The following PCDH15 variants were observed in gnomAD, a reference collection of about 807,000 sequenced individuals.
The protein encoded by PCDH15 is protocadherin related 15, also known as protocadherin-15.
PCDH15 carries 129 observed loss-of-function variants against 178.5 expected under a neutral mutation model. The ratio of observed to expected loss-of-function variants is 0.72; its 90% CI spans 0.63 to 0.84. The LOEUF (loss-of-function observed/expected upper bound fraction) is 0.84, where lower values mean the gene tolerates loss of function less well. Ranked by LOEUF, PCDH15 falls within the 40% of genes least tolerant of loss-of-function variation. PCDH15 has a pLI of 0.00. For synonymous variants in PCDH15, 800 were observed against 732.0 expected, an observed-to-expected ratio of 1.09 and a Z score of -1.50; for missense variants, 2,230 against 2,099.9, an observed-to-expected ratio of 1.06 and a Z score of -1.21.
Position 55,070,932 on chromosome 10 carries a change from T to A in PCDH15, c.-80+95644A>T, listed in dbSNP as rs188517233. 1.4e-3 allele frequency among the ~76,000 whole-genome samples: 207 copies of A among 152,276 alleles called. 2 individuals are homozygous for A. The Middle Eastern group carries it at 0.037, about 28-fold the overall frequency. ...GAGCATGGAATGTTCTTCCATTTCT[T>A]TGTATCCTCTTTTATTTCATTGAGC... On this transcript the variant is annotated intron_variant, in intron 2 of 5. Transcript: ENST00000458638.
At chr10:54,626,462 TG>T (rs2093553732) in intron 2 of PCDH15, among the ~76,000 whole-genome samples, 1 of 152,106 alleles carries the variant, frequency 6.6e-6, no homozygotes, top group Non-Finnish European at 1.5e-5. Context: ...ACTCCAGCCA[TG>T]GGTGAAAGGG....
intron 5 of PCDH15, among the ~76,000 whole-genome samples, chr10:54,360,031 TTA>T (rs1335387999): frequency 6.6e-6 from 1 of 152,134 alleles, no homozygotes; most frequent in Non-Finnish European, 1.5e-5. Context: ...GAACTGATGT[TTA>T]TGTTTTCGTC....
rs181286595 is a variant in PCDH15 at position 55,618,739 on chromosome 10, T to G, written c.-156+8886A>C. ...GTCCAGTTTTAGAGAAACTAAACAG[T>G]AGAGTCTGGAAGCCCAATTACTGAC... On this transcript the variant is annotated intron_variant, in intron 2 of 5. Coordinates refer to the PCDH15 transcript ENST00000613346. Among the ~76,000 whole-genome samples, 203 of 152,066 alleles carry G rather than the reference T, an allele frequency of 1.3e-3. 1 individual carries two copies. Among genetic ancestry groups the G allele is most frequent in the African/African-American group, 4.6e-3 (192 of 41,526 alleles).
intron 1 of PCDH15, among the ~76,000 whole-genome samples, chr10:55,295,433 C>T (rs926450710): frequency 6.6e-6 from 1 of 152,128 alleles, no homozygotes; most frequent in African/African-American, 2.4e-5. Flanking sequence ...TTGAGAGAAA[C>T]CAGCAATGTG....
intron 3 of PCDH15, among the ~76,000 whole-genome samples, chr10:54,454,546 T>A (rs2136340399): frequency 6.6e-6 from 1 of 151,612 alleles, no homozygotes; most frequent in Non-Finnish European, 1.5e-5. Context: ...TTCTGTGGAT[T>A]ATTCCTCTGA....
At chr10:53,826,042 CTTT>C (rs1022930176) in intron 32 of PCDH15, among the ~76,000 whole-genome samples, 2 of 151,108 alleles carry the variant, frequency 1.3e-5, no homozygotes, top group Non-Finnish European at 3.0e-5. Flanking sequence ...ACACATAATC[CTTT>C]TTTTTAGTTT....
chr10:54,500,165 G>A (rs567002442), intron 3 of PCDH15, among the ~76,000 whole-genome samples: 6 of 152,170 alleles, frequency 3.9e-5, no homozygotes, highest in Admixed American at 3.9e-4. Context: ...AGCAGTTGGA[G>A]GTCATTATAT....
chr10:55,061,176 G>A (rs1049470038), intron 2 of PCDH15, among the ~76,000 whole-genome samples: 1 of 151,992 alleles, frequency 6.6e-6, no homozygotes, highest in Non-Finnish European at 1.5e-5. Context: ...ATCTAATAAA[G>A]TAATGTTAGG....
At chr10:54,442,428 A>T (rs1485871461) in intron 3 of PCDH15, among the ~76,000 whole-genome samples, 13 of 107,844 alleles carry the variant, frequency 1.2e-4, no homozygotes, top group African/African-American at 5.0e-4. Flanking sequence ...ATATATATAT[A>T]TATATATATA....
chr10:53,959,589 A>G lies in PCDH15; in HGVS notation c.3122+143T>C, dbSNP rs1011670284. 14 of 632,266 alleles carry G rather than the reference A, an allele frequency of 2.2e-5. No homozygotes were observed. In the African/African-American group the frequency reaches 2.6e-4, roughly 12 times the overall value. 39.2% of individuals were successfully genotyped at this position (632,266 alleles called of 1,614,324 possible). ...GTCATATTAACCATTTAAAAATTTA[A>G]ACTATATTTTATGTTAATTTAGAAA... On this transcript the variant is annotated intron_variant, in intron 23 of 37. Transcript: ENST00000644397.
chr10:55,582,681 C>T (rs1191002183), intron 2 of PCDH15, among the ~76,000 whole-genome samples: 2 of 138,828 alleles, frequency 1.4e-5, no homozygotes, highest in African/African-American at 2.7e-5. Flanking sequence ...GAAAGGGAAC[C>T]ACAGGTCAGC....
chr10:55,387,879 G>A (rs955039085), intron 2 of PCDH15, among the ~76,000 whole-genome samples: 1 of 151,800 alleles, frequency 6.6e-6, no homozygotes, highest in African/African-American at 2.4e-5. Flanking sequence ...CTATTTTCAA[G>A]TTTTGGCTTA....
intron 2 of PCDH15, among the ~76,000 whole-genome samples, chr10:55,521,647 C>G (rs1428080971): frequency 6.6e-6 from 1 of 151,964 alleles, no homozygotes; most frequent in Non-Finnish European, 1.5e-5. Flanking sequence ...GTGAATAACA[C>G]TGCAGTGAAC....
At chr10:54,404,863 C>T (rs1335737525) in intron 3 of PCDH15, among the ~76,000 whole-genome samples, 1 of 152,046 alleles carries the variant, frequency 6.6e-6, no homozygotes, top group African/African-American at 2.4e-5. Flanking sequence ...CAAAACAAAA[C>T]ATACATATGA....
At chr10:55,476,196 T>C (rs1840058939) in intron 2 of PCDH15, among the ~76,000 whole-genome samples, 1 of 151,940 alleles carries the variant, frequency 6.6e-6, no homozygotes, top group South Asian at 2.1e-4. Context: ...GGGTGTGACT[T>C]ATGTTTCTAA....
chr10:54,875,274 C>G, intron 3 of PCDH15, among the ~76,000 whole-genome samples: 1 of 152,108 alleles, frequency 6.6e-6, no homozygotes, highest in East Asian at 1.9e-4. Flanking sequence ...CCATATAAGA[C>G]AGTAAACTTA....
At chr10:55,427,784 T>A (rs925710360) in intron 2 of PCDH15, among the ~76,000 whole-genome samples, 2 of 149,738 alleles carry the variant, frequency 1.3e-5, no homozygotes, top group Non-Finnish European at 1.5e-5. Flanking sequence ...CTATTCTAAA[T>A]TAATAAAAAG....
chr10:55,615,857 C>G (rs2132164819), intron 2 of PCDH15, among the ~76,000 whole-genome samples: 1 of 152,086 alleles, frequency 6.6e-6, no homozygotes, highest in East Asian at 1.9e-4. Flanking sequence ...ATGATCATTC[C>G]ATCGCTGCAG....
At chr10:54,953,767 T>A (rs556238919) in intron 2 of PCDH15, among the ~76,000 whole-genome samples, 1 of 151,310 alleles carries the variant, frequency 6.6e-6, no homozygotes, top group African/African-American at 2.4e-5. Context: ...TTAATACTGG[T>A]AAACCAATGC....
Sources: gnomAD v4.1 joint callset for allele counts (sites outside exome capture counted in the v4.1 genomes callset) on GRCh38, gnomAD v4.1.1 for gene constraint, MANE v1.5 for transcripts, NCBI Gene and HGNC (gene_info 2026-07-23, HGNC 2026-07-21) for gene names.